The following ZNRF2 variants were observed in gnomAD, a reference collection of about 807,000 sequenced individuals.
ZNRF2 encodes zinc and ring finger 2.
Under a neutral mutation model 20.4 loss-of-function variants are expected in ZNRF2, and 16 were observed. The observed-to-expected ratio is 0.79, with a 90% CI of 0.53 to 1.19. The LOEUF is 1.19. Ranked by LOEUF, ZNRF2 falls within the 50% of genes most tolerant of loss-of-function variation. ZNRF2 has a pLI of 0.00. For synonymous variants in ZNRF2, 178 were observed against 144.9 expected, an observed-to-expected ratio of 1.23 and a Z score of -1.64; for missense variants, 363 against 332.4, an observed-to-expected ratio of 1.09 and a Z score of -0.72.
intron 2 of ZNRF2, among the ~76,000 whole-genome samples, chr7:30,352,234 T>G (rs1799971075): frequency 6.6e-6 from 1 of 151,972 alleles, no homozygotes; most frequent in Non-Finnish European, 1.5e-5. Flanking sequence ...ACTTTAAATC[T>G]TAGGCTCTTT....
At chr7:30,294,251 C>T (rs899065564) in intron 1 of ZNRF2, among the ~76,000 whole-genome samples, 12 of 151,986 alleles carry the variant, frequency 7.9e-5, no homozygotes, top group Non-Finnish European at 1.0e-4. Context: ...ATGATAAAAG[C>T]GTTTAAGGCT....
chr7:30,300,405 CCA>C (rs1174403007), intron 1 of ZNRF2, among the ~76,000 whole-genome samples: 3 of 152,146 alleles, frequency 2.0e-5, no homozygotes, highest in Non-Finnish European at 4.4e-5. Flanking sequence ...CCTCGGCCTC[CCA>C]AAGTGCTGGG....
At chr7:30,305,119 C>G (rs1416803385) in intron 1 of ZNRF2, among the ~76,000 whole-genome samples, 1 of 152,126 alleles carries the variant, frequency 6.6e-6, no homozygotes, top group African/African-American at 2.4e-5. Context: ...CTTTCCTATT[C>G]TGTGTTCAAT....
At chr7:30,362,990 G>A (rs975252748) in intron 4 of ZNRF2, among the ~76,000 whole-genome samples, 1 of 152,278 alleles carries the variant, frequency 6.6e-6, no homozygotes, top group African/African-American at 2.4e-5. Context: ...GCCTGGTGGC[G>A]GGTGCCTGTA....
At chr7:30,328,220 A>G (rs1162524214) in intron 2 of ZNRF2, among the ~76,000 whole-genome samples, 3 of 152,194 alleles carry the variant, frequency 2.0e-5, no homozygotes, top group Non-Finnish European at 2.9e-5. Flanking sequence ...CAAACCATCT[A>G]GGATTATTAT....
chr7:30,364,246 G>C (rs571419161), intron 4 of ZNRF2, among the ~76,000 whole-genome samples: 1 of 152,196 alleles, frequency 6.6e-6, no homozygotes. Flanking sequence ...AACTGCAGTT[G>C]AGTGTCATAA....
At position 30,362,575 on chromosome 7, in the gene ZNRF2, C is replaced by T. The variant is rs1800143199; in HGVS notation, c.*22+119C>T. 1.8e-5 allele frequency: 9 copies of T among 497,652 alleles called. No homozygotes were observed. In the South Asian group the frequency reaches 3.5e-4, roughly 19 times the overall value. 30.8% of individuals were successfully genotyped at this position (497,652 alleles called of 1,614,324 possible). ...TGAGTGTGTATGTGTATGTTTCAGA[C>T]ACTTAGGCTACTGCATAGAAAACTT... On this transcript the variant is annotated intron_variant, in intron 4 of 4. Coordinates refer to ENST00000323037, the MANE Select transcript of ZNRF2 (RefSeq NM_147128.4).
chr7:30,365,147 CTTTTTTTTTTTTTT>C (rs533354831), intron 4 of ZNRF2, among the ~76,000 whole-genome samples: 2 of 70,330 alleles, frequency 2.8e-5, no homozygotes, highest in African/African-American at 1.2e-4. Flanking sequence ...AGCTGATAAG[CTTTTTTTTTTTTTT>C]TTTTTTTTTT....
intron 2 of ZNRF2, among the ~76,000 whole-genome samples, chr7:30,327,335 G>A (rs904486921): frequency 6.6e-6 from 1 of 152,088 alleles, no homozygotes; most frequent in Non-Finnish European, 1.5e-5. Flanking sequence ...TTGGCGTGGG[G>A]TAGGGGTCCA....
intron 1 of ZNRF2, among the ~76,000 whole-genome samples, chr7:30,317,731 G>A (rs1324202588): frequency 2.6e-5 from 4 of 152,170 alleles, no homozygotes; most frequent in African/African-American, 7.2e-5. Flanking sequence ...GCTGAGTTCT[G>A]GCACTTTTGA....
At chr7:30,348,834 A>G (rs1799919752) in intron 2 of ZNRF2, among the ~76,000 whole-genome samples, 1 of 152,214 alleles carries the variant, frequency 6.6e-6, no homozygotes, top group South Asian at 2.1e-4. Context: ...ACCCATGCAT[A>G]CTGATTATAG....
chr7:30,343,919 T>C, intron 2 of ZNRF2, among the ~76,000 whole-genome samples: 1 of 143,920 alleles, frequency 6.9e-6, no homozygotes, highest in East Asian at 1.9e-4. Context: ...AGCTTTTTTT[T>C]TTTTTTTTTT....
intron 1 of ZNRF2, among the ~76,000 whole-genome samples, chr7:30,315,422 T>G (rs1799354395): frequency 1.3e-5 from 2 of 152,072 alleles, no homozygotes; most frequent in Non-Finnish European, 2.9e-5. Context: ...CTGCAGAGTG[T>G]AGTGAAAAGA....
At chr7:30,323,797 T>G in intron 2 of ZNRF2, 60 bp downstream of exon 2, 1 of 1,146,690 alleles carries the variant, frequency 8.7e-7, no homozygotes, top group Non-Finnish European at 1.2e-6. Context: ...TTTATGAATT[T>G]CATGTTTCAA....
At chr7:30,363,810 A>G (rs937254833) in intron 4 of ZNRF2, among the ~76,000 whole-genome samples, 1 of 152,022 alleles carries the variant, frequency 6.6e-6, no homozygotes, top group Admixed American at 6.5e-5. Flanking sequence ...TTTAGCTTTG[A>G]AAAAATAAAG....
chr7:30,285,501 G>T lies in ZNRF2; in HGVS notation c.144G>T (p.Arg48Ser). ...GCGCTCGGGCCGCCGCCGCGGGGAG[G>T]TTCCCGGCTCAGGTGCCCAGCGCGC... ...GGGARAAAAG[R>S]FPAQVPSAHQ... The change falls in exon 1 of 5, where the codon AGG becomes AGT. Residue 48 changes from arginine to serine, a missense_variant. Physicochemically the swap from Arg to Ser is moderately radical, Grantham distance 110 (BLOSUM62 -1). Transcript: ENST00000323037. 1.9e-6 allele frequency: 2 copies of T among 1,060,716 alleles called. No homozygotes were observed. The highest frequency in any genetic ancestry group is 1.1e-6 in the Non-Finnish European group (1 of 881,078). The allele number at this position is 1,060,716 out of a possible 1,614,324, so 65.7% of individuals were successfully genotyped here. A position where few individuals can be genotyped will look rare whatever the true frequency, so the allele number is the denominator to read the frequency against.
chr7:30,285,698 A>G lies in ZNRF2; in HGVS notation c.341A>G (p.Gln114Arg). The G allele has an allele frequency of 6.9e-7, 1 of 1,457,208 alleles. No homozygotes were observed. Among genetic ancestry groups the G allele is most frequent in the Non-Finnish European group, 9.0e-7 (1 of 1,111,436 alleles). The allele number at this position is 1,457,208 out of a possible 1,614,324, so 90.3% of individuals were successfully genotyped here. A position where few individuals can be genotyped will look rare whatever the true frequency, so the allele number is the denominator to read the frequency against. Residue 114 changes from glutamine (Q) to arginine (R), a missense_variant, in exon 1 of 5, where the codon CAG becomes CGG. Gln to Arg is a conservative substitution (Grantham distance 43). Around this residue, in one of 2 missense-constraint regions of ZNRF2, gnomAD observed 302 missense variants for 231.5 expected, o/e 1.30. Coordinates refer to ENST00000323037, the MANE Select transcript of ZNRF2 (RefSeq NM_147128.4). ...AGCAGCAGCGGCCCGTACGGCTCGC[A>G]GGACTCGGTGCACAGCAGCCCTGAG... ...PNSSSGPYGS[Q>R]DSVHSSPEDG...
At chr7:30,308,237 G>A (rs927433012) in intron 1 of ZNRF2, among the ~76,000 whole-genome samples, 13 of 152,232 alleles carry the variant, frequency 8.5e-5, no homozygotes, top group African/African-American at 3.1e-4. Flanking sequence ...TATACTGTGT[G>A]TAGTTCATCA....
intron 1 of ZNRF2, among the ~76,000 whole-genome samples, chr7:30,315,203 C>T (rs1445426081): frequency 6.6e-6 from 1 of 152,098 alleles, no homozygotes; most frequent in Non-Finnish European, 1.5e-5. Flanking sequence ...CTGTTCTTAT[C>T]TTAGCCATTC....
Sources: allele counts gnomAD v4.1 joint callset (sites outside exome capture counted in the v4.1 genomes callset), GRCh38; gene constraint gnomAD v4.1.1; regional missense constraint gnomAD v4.1.1; transcripts MANE v1.5; gene names NCBI Gene and HGNC (gene_info 2026-07-23, HGNC 2026-07-21).